TRDN: variants seen among roughly 807,000 people sequenced by gnomAD.
TRDN encodes the protein triadin in skeletal muscle.
A neutral mutation model predicts 149.7 loss-of-function variants in TRDN; 161 were observed. The observed-to-expected ratio is 1.08, with a 90% CI of 0.95 to 1.23. The LOEUF is 1.23. Ranked by LOEUF, TRDN falls within the 50% of genes most tolerant of loss-of-function variation. TRDN has a pLI of 0.00. For missense variants in TRDN, 896 were observed against 823.5 expected (o/e 1.09, Z -1.08); for synonymous variants, 294 against 250.5 (o/e 1.17, Z -1.64).
At chr6:123,499,998 C>G (rs1241212040) in intron 8 of TRDN, among the ~76,000 whole-genome samples, 1 of 151,566 alleles carries the variant, frequency 6.6e-6, no homozygotes, top group Non-Finnish European at 1.5e-5. Context: ...TGAAACCTAT[C>G]CCCCACAGAT....
intron 20 of TRDN, among the ~76,000 whole-genome samples, chr6:123,357,363 T>A (rs1780721577): frequency 6.6e-6 from 1 of 152,090 alleles, no homozygotes; most frequent in Non-Finnish European, 1.5e-5. Flanking sequence ...AAAGGAGATT[T>A]TAGGTATAGC....
intron 1 of TRDN, among the ~76,000 whole-genome samples, chr6:123,581,975 G>T (rs770219922): frequency 6.6e-6 from 1 of 152,132 alleles, no homozygotes; most frequent in African/African-American, 2.4e-5. Context: ...TAAAATAAAT[G>T]AATGGATTTA....
At chr6:123,375,538 A>G (rs1781472135) in intron 19 of TRDN, 67 bp downstream of exon 19, 2 of 1,364,810 alleles carry the variant, frequency 1.5e-6, no homozygotes, top group African/African-American at 3.0e-5. Context: ...AGCATAGTCT[A>G]TAGCAGAAAA....
At chr6:123,611,509 T>A (rs1030867917) in intron 1 of TRDN, among the ~76,000 whole-genome samples, 26 of 152,174 alleles carry the variant, frequency 1.7e-4, no homozygotes, top group African/African-American at 6.3e-4. Context: ...AGCGCTCCCA[T>A]AATGTTTGAT....
intron 10 of TRDN, among the ~76,000 whole-genome samples, chr6:123,460,741 T>C (rs1583071137): frequency 6.6e-6 from 1 of 152,138 alleles, no homozygotes; most frequent in Non-Finnish European, 1.5e-5. Flanking sequence ...TACTAGCTCC[T>C]GTAGAATATT....
intron 12 of TRDN, among the ~76,000 whole-genome samples, chr6:123,420,547 A>G (rs1451171259): frequency 6.6e-6 from 1 of 152,246 alleles, no homozygotes; most frequent in African/African-American, 2.4e-5. Flanking sequence ...CTGGGAATAC[A>G]ATATTTAGTT....
intron 1 of TRDN, among the ~76,000 whole-genome samples, chr6:123,626,567 C>T (rs1785681289): frequency 6.6e-6 from 1 of 152,156 alleles, no homozygotes; most frequent in Non-Finnish European, 1.5e-5. Flanking sequence ...TTCTAGATCT[C>T]TTGCTGTTTC....
chr6:123,255,676 T>G (rs1171859875), intron 36 of TRDN, among the ~76,000 whole-genome samples, 191 bp downstream of exon 36: 3 of 152,146 alleles, frequency 2.0e-5, no homozygotes, highest in African/African-American at 7.2e-5. Context: ...CCATTGCTTC[T>G]TTGACACTGC....
chr6:123,627,436 C>T (rs1377925221), intron 1 of TRDN, among the ~76,000 whole-genome samples: 2 of 151,948 alleles, frequency 1.3e-5, no homozygotes, highest in African/African-American at 2.4e-5. Flanking sequence ...CAACAGTGGG[C>T]TTAAAATATT....
chr6:123,246,058 T>C (rs1457842372), intron 38 of TRDN, among the ~76,000 whole-genome samples: 1 of 152,154 alleles, frequency 6.6e-6, no homozygotes, highest in Non-Finnish European at 1.5e-5. Flanking sequence ...AGACACAATG[T>C]ACCAGAATCT....
At chr6:123,276,007 A>G (rs938671651) in intron 26 of TRDN, among the ~76,000 whole-genome samples, 43 of 152,094 alleles carry the variant, frequency 2.8e-4, no homozygotes, top group African/African-American at 1.0e-3. Context: ...AGAGAGAAGG[A>G]ATGCTGTGTC....
intron 5 of TRDN, among the ~76,000 whole-genome samples, chr6:123,516,860 TTG>T (rs1359034600): frequency 6.6e-6 from 1 of 152,068 alleles, no homozygotes; most frequent in Admixed American, 6.6e-5. Flanking sequence ...TCATCCCAAT[TTG>T]TCTTTCTCTT....
intron 21 of TRDN, chr6:123,350,251 T>G (rs1780408324): frequency 1.0e-6 from 1 of 961,866 alleles, no homozygotes; most frequent in Non-Finnish European, 1.2e-6. Context: ...AATACTACAT[T>G]ATTCTGTAAT....
At chr6:123,562,418 A>T (rs1782051329) in intron 2 of TRDN, among the ~76,000 whole-genome samples, 1 of 152,188 alleles carries the variant, frequency 6.6e-6, no homozygotes. Flanking sequence ...GAGCCCTCAC[A>T]AACAGAATTA....
At chr6:123,574,270 T>C (rs1490562547) in intron 1 of TRDN, among the ~76,000 whole-genome samples, 1 of 151,972 alleles carries the variant, frequency 6.6e-6, no homozygotes, top group Non-Finnish European at 1.5e-5. Flanking sequence ...GTGGAATACA[T>C]ATCCGAAGTT....
chr6:123,307,445 A>G (rs776945560), intron 24 of TRDN, among the ~76,000 whole-genome samples: 1 of 152,054 alleles, frequency 6.6e-6, no homozygotes, highest in South Asian at 2.1e-4. Flanking sequence ...TATGTCTTTG[A>G]TTCTACATAC....
intron 12 of TRDN, among the ~76,000 whole-genome samples, chr6:123,416,104 T>A (rs1209669868): frequency 3.9e-5 from 6 of 152,150 alleles, no homozygotes; most frequent in Non-Finnish European, 8.8e-5. Flanking sequence ...GTGACAGCAG[T>A]GTCACTAAAG....
At chr6:123,570,292 G>A (rs1253033728) in intron 2 of TRDN, among the ~76,000 whole-genome samples, 1 of 151,910 alleles carries the variant, frequency 6.6e-6, no homozygotes, top group Non-Finnish European at 1.5e-5. Context: ...CTTTCCTTAG[G>A]GAGCTCACAG....
In TRDN at chr6:123,366,153, C is replaced by T; in HGVS notation, c.1303G>A (p.Ala435Thr). The T allele has an allele frequency of 6.2e-7, 1 of 1,612,866 alleles. No homozygotes were observed. Among genetic ancestry groups the T allele is most frequent in the South Asian group, 1.1e-5 (1 of 90,992 alleles). The change falls in exon 20 of 41, where the codon GCG (alanine) becomes ACG (threonine). Residue 435 changes from alanine to threonine, a missense_variant. Transcript: ENST00000334268. Reference sequence around the variant, plus strand: ...CATTTACCTTTTTTAATTGAAACCGCACCAATCTCCTCTTTGGCTCGTTCA... The same window carrying T: ...CATTTACCTTTTTTAATTGAAACCGTACCAATCTCCTCTTTGGCTCGTTCA... ...KTERAKEEIGAVSIKKAVPGK... is the reference protein window; with the variant it reads ...KTERAKEEIGTVSIKKAVPGK...
Sources: allele counts gnomAD v4.1 joint callset (sites outside exome capture counted in the v4.1 genomes callset), GRCh38; gene constraint gnomAD v4.1.1; transcripts MANE v1.5; gene names NCBI Gene and HGNC (gene_info 2026-07-23, HGNC 2026-07-21).